The following SYT1 variants were observed in gnomAD, a reference collection of about 807,000 sequenced individuals.
SYT1 encodes synaptotagmin-1.
Under a neutral mutation model 44.8 loss-of-function variants are expected in SYT1, and 8 were observed. The observed-to-expected ratio is 0.18, with a 90% CI of 0.10 to 0.32. SYT1 has a LOEUF of 0.32. SYT1 is among the 10% of genes least tolerant of loss of function. The probability of loss-of-function intolerance (pLI) is 1.00; values close to 1 mark genes in which losing one functional copy is unlikely to be tolerated. For missense variants in SYT1, 286 were observed against 509.3 expected, an observed-to-expected ratio of 0.56 and a Z score of 4.22; for synonymous variants, 154 against 188.8, an observed-to-expected ratio of 0.82 and a Z score of 1.51.
chr12:79,021,458 A>G (rs1872187636), intron 2 of SYT1, among the ~76,000 whole-genome samples: 1 of 151,866 alleles, frequency 6.6e-6, no homozygotes, highest in Admixed American at 6.6e-5. Context: ...GTGCATATAT[A>G]GATAGTGAGG....
chr12:78,991,567 G>T (rs1870022544), intron 2 of SYT1, among the ~76,000 whole-genome samples: 1 of 152,068 alleles, frequency 6.6e-6, no homozygotes, highest in African/African-American at 2.4e-5. Context: ...AAGAATTCAT[G>T]ATTTGGAATC....
chr12:78,930,823 A>G (rs1381052657), intron 1 of SYT1, among the ~76,000 whole-genome samples: 1 of 151,942 alleles, frequency 6.6e-6, no homozygotes, highest in Non-Finnish European at 1.5e-5. Flanking sequence ...TCTTGTGCCA[A>G]TTGCTTTTCT....
chr12:79,336,403 C>T (rs890493404), intron 8 of SYT1, among the ~76,000 whole-genome samples: 7 of 152,158 alleles, frequency 4.6e-5, no homozygotes, highest in Non-Finnish European at 8.8e-5. Flanking sequence ...CAAATTGGCA[C>T]TTTTTCCCCT....
chr12:79,014,122 C>CAAAAAAAAAAAAAAAAGAAAAAAAA (rs529431376), intron 2 of SYT1, among the ~76,000 whole-genome samples: 10 of 39,708 alleles, frequency 2.5e-4, no homozygotes, highest in Non-Finnish European at 4.5e-4. Flanking sequence ...AGACTCTCTC[C>CAAAAAAAAAAAAAAAAGAAAAAAAA]AAAAAAAAAA....
chr12:79,236,784 A>G (rs1876215048), intron 4 of SYT1, among the ~76,000 whole-genome samples: 1 of 152,234 alleles, frequency 6.6e-6, no homozygotes, highest in Admixed American at 6.5e-5. Context: ...CAATCTGATA[A>G]GAGAAATAGA....
chr12:79,195,776 G>C (rs1168261452), intron 3 of SYT1, among the ~76,000 whole-genome samples: 1 of 152,114 alleles, frequency 6.6e-6, no homozygotes, highest in Non-Finnish European at 1.5e-5. Flanking sequence ...TCTAACTTGG[G>C]ATAAACTAAG....
At chr12:79,210,235 T>A (rs1592855285) in intron 3 of SYT1, among the ~76,000 whole-genome samples, 1 of 152,214 alleles carries the variant, frequency 6.6e-6, no homozygotes, top group East Asian at 1.9e-4. Flanking sequence ...AACTATAAAC[T>A]TTTTTTCATA....
At chr12:79,407,543 G>A (rs1885286391) in intron 9 of SYT1, among the ~76,000 whole-genome samples, 1 of 152,010 alleles carries the variant, frequency 6.6e-6, no homozygotes, top group South Asian at 2.1e-4. Context: ...TCATACCATT[G>A]GGATAGCTCT....
chr12:79,058,493 C>A (rs1875130390), intron 3 of SYT1, among the ~76,000 whole-genome samples: 1 of 152,040 alleles, frequency 6.6e-6, no homozygotes, highest in Non-Finnish European at 1.5e-5. Flanking sequence ...TCTCTAGCTG[C>A]CTTTTCTTTA....
intron 9 of SYT1, among the ~76,000 whole-genome samples, chr12:79,396,410 A>T (rs1267426824): frequency 6.6e-6 from 1 of 152,194 alleles, no homozygotes; most frequent in Admixed American, 6.5e-5. Flanking sequence ...CTCCCAGTAC[A>T]TCAGAATCAC....
intron 3 of SYT1, among the ~76,000 whole-genome samples, chr12:79,156,679 G>A (rs1386550042): frequency 1.3e-5 from 2 of 152,110 alleles, no homozygotes; most frequent in Non-Finnish European, 2.9e-5. Context: ...GTGTTAGCCA[G>A]GATGGTCTTG....
chr12:79,331,031 AC>A (rs1881832482), intron 8 of SYT1, among the ~76,000 whole-genome samples: 1 of 152,100 alleles, frequency 6.6e-6, no homozygotes, highest in African/African-American at 2.4e-5. Context: ...TTTCTTAGTG[AC>A]CCCAGGAAAA....
intron 9 of SYT1, among the ~76,000 whole-genome samples, chr12:79,389,934 T>C (rs1247035923): frequency 6.6e-6 from 1 of 151,932 alleles, no homozygotes; most frequent in Non-Finnish European, 1.5e-5. Context: ...TAATTCTTTT[T>C]TTTTTTTCTT....
intron 3 of SYT1, among the ~76,000 whole-genome samples, chr12:79,108,139 C>A (rs1018362474): frequency 2.6e-5 from 4 of 151,486 alleles, no homozygotes; most frequent in African/African-American, 7.3e-5. Flanking sequence ...AGATATGCAC[C>A]AAGCTGATAA....
chr12:79,210,406 C>T (rs1417600908), intron 3 of SYT1, among the ~76,000 whole-genome samples: 1 of 152,168 alleles, frequency 6.6e-6, no homozygotes, highest in African/African-American at 2.4e-5. Flanking sequence ...ACCCCTCTCC[C>T]ACTTTTCCCA....
rs539622021 is a variant in SYT1, at chr12:79,429,289, C to G, written c.929-14784C>G. On this transcript the variant is annotated intron_variant, in intron 9 of 10. Transcript: ENST00000261205. ...TGGTGTGATCTTGGCTCACTGCAAC[C>G]TCCACCTCCTAGGTTCAAGCGATTC... 3.9e-3 allele frequency among the ~76,000 whole-genome samples: 592 copies of G among 152,196 alleles called. 3 individuals carry two copies. The highest frequency in any genetic ancestry group is 7.1e-3 in the Admixed American group (109 of 15,300).
At chr12:78,932,692 T>C (rs1369128480) in intron 1 of SYT1, among the ~76,000 whole-genome samples, 1 of 152,166 alleles carries the variant, frequency 6.6e-6, no homozygotes, top group Non-Finnish European at 1.5e-5. Flanking sequence ...TTATTTTCAA[T>C]TGCCTTCAGG....
At chr12:79,419,268 A>C (rs1281298580) in intron 9 of SYT1, 1 of 526,510 alleles carries the variant, frequency 1.9e-6, no homozygotes, top group African/African-American at 1.9e-5. Context: ...GAAAGAAGGA[A>C]ATTGAATTCA....
Position 79,101,208 on chromosome 12 carries a change from T to C in SYT1, c.-18+53846T>C, listed in dbSNP as rs147320300. On this transcript the variant is annotated intron_variant, in intron 3 of 10. Coordinates refer to ENST00000261205, the MANE Select transcript of SYT1 (RefSeq NM_005639.3). ...CATCATTCACAAGCCAAATAATTCATAGCACTATTCACAAGTACCACTTAT... is the reference window on the plus strand; with the variant it reads ...CATCATTCACAAGCCAAATAATTCACAGCACTATTCACAAGTACCACTTAT... Among the ~76,000 whole-genome samples the C allele has an allele frequency of 5.9e-5, 9 of 152,278 alleles. No homozygotes were observed. The East Asian group carries it at 1.7e-3, about 29-fold the overall frequency.
Sources: allele counts gnomAD v4.1 joint callset (sites outside exome capture counted in the v4.1 genomes callset), GRCh38; gene constraint gnomAD v4.1.1; transcripts MANE v1.5; gene names NCBI Gene and HGNC (gene_info 2026-07-23, HGNC 2026-07-21).